The following KDM7A variants were observed in gnomAD, a reference collection of about 807,000 sequenced individuals.
The protein encoded by KDM7A is lysine demethylase 7A, also known as lysine-specific demethylase 7A.
In KDM7A, 28 loss-of-function variants were observed where a neutral mutation model predicts 114.8. That is an observed-to-expected ratio of 0.24 (90% CI 0.18 to 0.33). The LOEUF (loss-of-function observed/expected upper bound fraction) is 0.33, where lower values mean the gene tolerates loss of function less well. KDM7A is among the 10% of genes least tolerant of loss of function. KDM7A has a pLI of 1.00. For synonymous variants in KDM7A, 423 were observed against 397.8 expected (o/e 1.06, Z -0.75); for missense variants, 942 against 1,142.5 (o/e 0.82, Z 2.53).
Position 140,176,946 on chromosome 7 carries a change from A to AACAC in KDM7A, c.-13_-10dup, listed in dbSNP as rs1024069035. ...GCCGCCGCTCCGGCCATCTTTAAAA[A>AACAC]ACACACACACGCTCGCTCGCTACTC... On this transcript the variant is annotated 5_prime_UTR_variant, in exon 1 of 20. Transcript: ENST00000397560. This position sits in a 1 kb window ranked among gnomAD's most constrained non-coding sequence, Gnocchi z 4.4. 3.5e-6 allele frequency: 4 copies of AACAC among 1,145,046 alleles called. No individual in the cohort carries two copies. The highest frequency in any genetic ancestry group is 4.3e-6 in the Non-Finnish European group (4 of 929,280). 70.9% of individuals were successfully genotyped at this position (1,145,046 alleles called of 1,614,324 possible). A position where few individuals can be genotyped will look rare whatever the true frequency, so the allele number is the denominator to read the frequency against.
intron 3 of KDM7A, among the ~76,000 whole-genome samples, chr7:140,131,340 T>C (rs1207849380): frequency 2.0e-5 from 3 of 152,194 alleles, no homozygotes; most frequent in Admixed American, 6.5e-5. Flanking sequence ...CCAATTGCTC[T>C]ACAGCTGCTA....
In KDM7A at chr7:140,176,982, C is replaced by A. The variant is rs1794720014; in HGVS notation, c.-45G>T. On this transcript the variant is annotated 5_prime_UTR_variant, in exon 1 of 20. Coordinates refer to ENST00000397560, the MANE Select transcript of KDM7A (RefSeq NM_030647.2). This position sits in a 1 kb window ranked among gnomAD's most constrained non-coding sequence, Gnocchi z 4.4. ...GCTCGCTCGCTACTCCGCTCGCCGA[C>A]TGGAGCGAGCGCAGCCGCCAGCCAG... 9.2e-7 allele frequency: 1 copy of A among 1,084,470 alleles called. No homozygotes were observed. Among genetic ancestry groups the A allele is most frequent in the Non-Finnish European group, 1.1e-6 (1 of 894,120 alleles). 67.2% of individuals were successfully genotyped at this position (1,084,470 alleles called of 1,614,324 possible).
intron 9 of KDM7A, among the ~76,000 whole-genome samples, chr7:140,114,566 T>C (rs1442862683): frequency 6.6e-5 from 10 of 152,188 alleles, no homozygotes; most frequent in East Asian, 3.9e-4. Flanking sequence ...AGTGCCGAGA[T>C]TGCAGCCTCT....
intron 11 of KDM7A, among the ~76,000 whole-genome samples, chr7:140,106,136 T>A (rs1818335005): frequency 6.6e-6 from 1 of 152,228 alleles, no homozygotes. Context: ...GGTGGTGATA[T>A]CCCCTTTATC....
chr7:140,110,845 A>AT (rs371158464), intron 11 of KDM7A, among the ~76,000 whole-genome samples: 12 of 151,910 alleles, frequency 7.9e-5, no homozygotes, highest in Non-Finnish European at 1.6e-4. Flanking sequence ...TGTATTTTTG[A>AT]TTTTTTTTAA....
chr7:140,104,044 C>T (rs1409331555), intron 11 of KDM7A, among the ~76,000 whole-genome samples: 58 of 152,150 alleles, frequency 3.8e-4, no homozygotes, highest in Admixed American at 6.5e-5. Flanking sequence ...TTTTGATTTG[C>T]GTTTCTCTGA....
chr7:140,102,084 G>T lies in KDM7A; in HGVS notation c.1505C>A (p.Thr502Asn). The T allele has an allele frequency of 1.9e-6, 3 of 1,613,930 alleles. No homozygotes were observed. Among genetic ancestry groups the T allele is most frequent in the Non-Finnish European group, 1.7e-6 (2 of 1,179,784 alleles). The change falls in exon 12 of 20, where the codon ACT becomes AAT. Residue 502 changes from threonine (T) to asparagine (N), a missense_variant. Physicochemically the swap from Thr to Asn is moderately conservative, Grantham distance 65 (BLOSUM62 0). Transcript: ENST00000397560. Reference protein sequence around the residue: ...CPVSRSSNEATSPYHSRRKMR... With the variant: ...CPVSRSSNEANSPYHSRRKMR... Reference sequence around the variant, plus strand: ...CTTTCTTCGGGAATGGTATGGGGAAGTTGCTTCATTTGAGGATCGTGAAAC... The same window carrying T: ...CTTTCTTCGGGAATGGTATGGGGAATTTGCTTCATTTGAGGATCGTGAAAC...
At chr7:140,103,927 A>G (rs879483896) in intron 11 of KDM7A, among the ~76,000 whole-genome samples, 3 of 152,234 alleles carry the variant, frequency 2.0e-5, no homozygotes, top group Non-Finnish European at 4.4e-5. Context: ...AGTCACAACA[A>G]CAGTGTAAAA....
intron 6 of KDM7A, among the ~76,000 whole-genome samples, chr7:140,126,175 C>T (rs966758075): frequency 2.1e-4 from 32 of 152,098 alleles, no homozygotes; most frequent in African/African-American, 2.9e-4. Context: ...CCTCTCAAAG[C>T]GCTGGGATTA....
intron 11 of KDM7A, among the ~76,000 whole-genome samples, chr7:140,102,719 T>C (rs952086489): frequency 2.6e-5 from 4 of 152,226 alleles, no homozygotes; most frequent in African/African-American, 7.2e-5. Flanking sequence ...TGCATTCCAC[T>C]GTTAATTTTC....
chr7:140,112,081 A>C (rs1818442988), intron 10 of KDM7A, among the ~76,000 whole-genome samples: 1 of 152,218 alleles, frequency 6.6e-6, no homozygotes, highest in African/African-American at 2.4e-5. Flanking sequence ...CTTGTTAAAC[A>C]GTTTTAAATT....
chr7:140,108,146 T>C (rs1180453715), intron 11 of KDM7A, among the ~76,000 whole-genome samples: 1 of 152,196 alleles, frequency 6.6e-6, no homozygotes, highest in East Asian at 1.9e-4. Flanking sequence ...GTTTTCTCTG[T>C]GCTGCTTATT....
chr7:140,154,914 T>A (rs1028177193), intron 1 of KDM7A, among the ~76,000 whole-genome samples: 28 of 152,184 alleles, frequency 1.8e-4, no homozygotes, highest in Non-Finnish European at 5.9e-5. Flanking sequence ...AATTAAAACA[T>A]TTTTAATGTT....
intron 8 of KDM7A, among the ~76,000 whole-genome samples, chr7:140,119,556 T>C (rs1818585844): frequency 6.6e-6 from 1 of 152,220 alleles, no homozygotes; most frequent in South Asian, 2.1e-4. Context: ...CCTCTATGTG[T>C]TAGACAACAG....
Position 140,100,739 on chromosome 7 carries a change from T to C in KDM7A, c.1639-716A>G, listed in dbSNP as rs530249716. On this transcript the variant is annotated intron_variant, in intron 12 of 19. Transcript: ENST00000397560. ...ATATATATATATATATATATATATA[T>C]ATACATATATATTTTTTTGTTTGTT... 5.5e-3 allele frequency among the ~76,000 whole-genome samples: 275 copies of C among 50,148 alleles called. 1 individual carries two copies. Among genetic ancestry groups the C allele is most frequent in the Non-Finnish European group, 8.3e-3 (208 of 25,064 alleles). 32.9% of individuals were successfully genotyped at this position (50,148 alleles called of 152,430 possible).
chr7:140,126,562 G>T, intron 6 of KDM7A, 75 bp downstream of exon 6: 35 of 719,712 alleles, frequency 4.9e-5, no homozygotes, highest in Non-Finnish European at 6.7e-5. Context: ...ACATTTACAA[G>T]AAATGAATAT....
chr7:140,132,424 C>G (rs914461548), intron 3 of KDM7A, among the ~76,000 whole-genome samples: 16 of 152,110 alleles, frequency 1.1e-4, no homozygotes, highest in Admixed American at 3.3e-4. Context: ...TAGCTCCTCT[C>G]CCTGAGAAAT....
At chr7:140,128,026 C>A (rs960342437) in intron 4 of KDM7A, among the ~76,000 whole-genome samples, 1 of 150,340 alleles carries the variant, frequency 6.7e-6, no homozygotes. Flanking sequence ...GCTATCATTT[C>A]AAAAAAAAAC....
At chr7:140,109,101 T>C (rs1290969313) in intron 11 of KDM7A, among the ~76,000 whole-genome samples, 2 of 152,208 alleles carry the variant, frequency 1.3e-5, no homozygotes, top group Non-Finnish European at 2.9e-5. Flanking sequence ...GATGTGCTGT[T>C]TGCTAAGACC....
Sources: gnomAD v4.1 joint callset for allele counts (sites outside exome capture counted in the v4.1 genomes callset) on GRCh38, gnomAD v4.1.1 for gene constraint, Gnocchi (gnomAD v3.1) non-coding constraint, MANE v1.5 for transcripts, NCBI Gene and HGNC (gene_info 2026-07-23, HGNC 2026-07-21) for gene names.